NBR1: variants seen among roughly 807,000 people sequenced by gnomAD.
NBR1 encodes the protein NBR1 autophagy cargo receptor.
A neutral mutation model predicts 115.5 loss-of-function variants in NBR1; 59 were observed. The observed-to-expected ratio is 0.51, with a 90% CI of 0.41 to 0.63. The LOEUF is 0.63. Ranked by LOEUF, NBR1 falls within the 30% of genes least tolerant of loss-of-function variation. The probability of loss-of-function intolerance (pLI) is 0.00; values close to 1 mark genes in which losing one functional copy is unlikely to be tolerated. For missense variants in NBR1, 1,043 were observed against 1,150.5 expected (o/e 0.91, Z 1.35); for synonymous variants, 373 against 414.7 (o/e 0.90, Z 1.22).
intron 16 of NBR1, among the ~76,000 whole-genome samples, chr17:43,198,647 G>A (rs1361267986): frequency 2.8e-5 from 4 of 143,906 alleles, no homozygotes; most frequent in Non-Finnish European, 6.0e-5. Context: ...GCGAGACTCC[G>A]TCTAAAAAAA....
intron 14 of NBR1, chr17:43,195,365 G>A (rs901890859): frequency 2.0e-5 from 6 of 302,270 alleles, no homozygotes; most frequent in Non-Finnish European, 3.1e-5. Flanking sequence ...AAATTAGCTG[G>A]GTGTGGCCAG....
At chr17:43,208,242 T>G (rs1489025129) in intron 20 of NBR1, among the ~76,000 whole-genome samples, 1 of 152,150 alleles carries the variant, frequency 6.6e-6, no homozygotes, top group Non-Finnish European at 1.5e-5. Flanking sequence ...TTTTTAAAGT[T>G]GGGTGAGACT....
intron 12 of NBR1, among the ~76,000 whole-genome samples, chr17:43,193,989 C>T (rs2057010010): frequency 6.6e-6 from 1 of 152,120 alleles, no homozygotes; most frequent in Admixed American, 6.6e-5. Context: ...CCTGAAATAC[C>T]CTGTGTATGT....
chr17:43,187,299 G>A (rs916278717), intron 6 of NBR1, among the ~76,000 whole-genome samples: 6 of 151,898 alleles, frequency 4.0e-5, no homozygotes, highest in East Asian at 3.9e-4. Context: ...TCCTGCCTCA[G>A]TCTCCTGAGT....
intron 5 of NBR1, 130 bp from the exon 6 acceptor site, chr17:43,186,120 A>G (rs1033878425): frequency 1.4e-6 from 1 of 715,258 alleles, no homozygotes; most frequent in African/African-American, 1.9e-5. Flanking sequence ...GTTGGATTTA[A>G]TAAAGCAAAC....
intron 15 of NBR1, 59 bp from the exon 16 acceptor site, chr17:43,196,883 G>C: frequency 6.3e-7 from 1 of 1,576,864 alleles, no homozygotes; most frequent in Middle Eastern, 1.7e-4. Flanking sequence ...GGTAATGACT[G>C]GTGAATGTTC....
chr17:43,177,299 GTT>G (rs560292007), intron 2 of NBR1, among the ~76,000 whole-genome samples: 2 of 137,088 alleles, frequency 1.5e-5, no homozygotes, highest in Admixed American at 7.5e-5. Flanking sequence ...GATATTTTTC[GTT>G]TTTTTTTTTT....
chr17:43,203,720 G>T lies in NBR1; in HGVS notation c.2661G>T (p.Lys887Asn), dbSNP rs1235779051. ...HGSSIAGGLV[K>N]GALSVAASAY... ...GCAGCATTGCTGGAGGACTGGTGAA[G>T]GGGGCTTTGTCTGTTGCTGCCTCTG... The change falls in exon 20 of 21, where the codon AAG becomes AAT. Residue 887 changes from lysine to asparagine, a missense_variant. By Grantham distance (94) the Lys-to-Asn change is moderately conservative (BLOSUM62 0). Coordinates refer to ENST00000590996, the MANE Select transcript of NBR1 (RefSeq NM_005899.5). 8.7e-6 allele frequency: 14 copies of T among 1,610,718 alleles called. No individual in the cohort carries two copies. Among genetic ancestry groups the T allele is most frequent in the Non-Finnish European group, 1.1e-5 (13 of 1,178,342 alleles).
At chr17:43,180,173 C>T (rs1048816033) in intron 4 of NBR1, among the ~76,000 whole-genome samples, 2 of 152,104 alleles carry the variant, frequency 1.3e-5, no homozygotes, top group Admixed American at 6.5e-5. Flanking sequence ...AGTAATGCAT[C>T]GCTTAATGAC....
Position 43,177,572 on chromosome 17 carries a change from A to AACACACACACACACACACAC in NBR1, c.103-334_103-315dup, listed in dbSNP as rs60320098. Among the ~76,000 whole-genome samples, 126 of 131,318 alleles carry AACACACACACACACACACAC rather than the reference A, an allele frequency of 9.6e-4. 3 individuals carry two copies. Among genetic ancestry groups the AACACACACACACACACACAC allele is most frequent in the African/African-American group, 3.5e-3 (114 of 32,610 alleles). The allele number at this position is 131,318 out of a possible 152,430, so 86.1% of individuals were successfully genotyped here. A position where few individuals can be genotyped will look rare whatever the true frequency, so the allele number is the denominator to read the frequency against. ...GTTCCCTACCCCACACCCCACCCAA[A>AACACACACACACACACACAC]ACACACACACACACACACACACACA... On this transcript the variant is annotated intron_variant, in intron 2 of 20. Coordinates refer to ENST00000590996, the MANE Select transcript of NBR1 (RefSeq NM_005899.5).
intron 14 of NBR1, 138 bp downstream of exon 14, chr17:43,195,177 G>T: frequency 1.4e-6 from 1 of 708,712 alleles, no homozygotes; most frequent in South Asian, 1.7e-5. Context: ...AGCAATCATG[G>T]ATCCGTTTTT....
chr17:43,174,209 G>C (rs2056448789), intron 1 of NBR1, among the ~76,000 whole-genome samples: 1 of 152,036 alleles, frequency 6.6e-6, no homozygotes, highest in Non-Finnish European at 1.5e-5. Context: ...TTGGTCCTGA[G>C]TTGATAATTA....
intron 5 of NBR1, among the ~76,000 whole-genome samples, chr17:43,184,842 A>G (rs2056761548): frequency 6.6e-6 from 1 of 152,054 alleles, no homozygotes; most frequent in Non-Finnish European, 1.5e-5. Context: ...CTGTAATCCC[A>G]GCACTTTGGG....
intron 20 of NBR1, among the ~76,000 whole-genome samples, chr17:43,206,783 C>G (rs1317563917): frequency 6.6e-6 from 1 of 151,696 alleles, no homozygotes; most frequent in African/African-American, 2.4e-5. Context: ...GAAGGATAGG[C>G]TGGGCACGGT....
intron 10 of NBR1, 110 bp from the exon 11 acceptor site, chr17:43,192,984 A>G: frequency 1.9e-6 from 2 of 1,067,914 alleles, no homozygotes; most frequent in South Asian, 3.1e-5. Context: ...TTTAAGGCAA[A>G]TGGGTTAGCA....
intron 16 of NBR1, among the ~76,000 whole-genome samples, chr17:43,197,363 C>CA (rs1305869878): frequency 6.6e-6 from 1 of 152,018 alleles, no homozygotes; most frequent in Non-Finnish European, 1.5e-5. Flanking sequence ...ACTAAAAATA[C>CA]AAAAAATTAG....
Position 43,197,048 on chromosome 17 carries a change from C to G in NBR1, c.1968C>G (p.Ser656=). The stretch of plus-strand genomic sequence containing the variant: ...TTGTGTGTGAGACAGTAATCCGATC[C>G]CTTACCTTGGATGCTGCCCCAGACC... ...TQFVCETVIR[S]LTLDAAPDHN... The change falls in exon 16 of 21, where the codon TCC becomes TCG. Residue 656 remains serine, a synonymous_variant. Transcript: ENST00000590996. 1 of 1,613,970 alleles carries G rather than the reference C, an allele frequency of 6.2e-7. No homozygotes were observed. Among genetic ancestry groups the G allele is most frequent in the Non-Finnish European group, 8.5e-7 (1 of 1,179,886 alleles).
chr17:43,199,033 G>A (rs188641057), intron 16 of NBR1, among the ~76,000 whole-genome samples: 1 of 151,828 alleles, frequency 6.6e-6, no homozygotes, highest in Admixed American at 6.6e-5. Context: ...AAAAAGGTCT[G>A]GAAAGACAGT....
Position 43,190,636 on chromosome 17 carries a change from A to C in NBR1, c.723A>C (p.Glu241Asp), listed in dbSNP as rs1424758594. 2.5e-6 allele frequency: 4 copies of C among 1,600,084 alleles called. No individual in the cohort carries two copies. The highest frequency in any genetic ancestry group is 2.6e-6 in the Non-Finnish European group (3 of 1,173,300). The change falls in exon 9 of 21, where the codon GAA (glutamate) becomes GAC (aspartate). Residue 241 changes from glutamate (E) to aspartate (D), a missense_variant. Physicochemically the swap from Glu to Asp is conservative, Grantham distance 45. Coordinates refer to ENST00000590996, the MANE Select transcript of NBR1 (RefSeq NM_005899.5). ...CSLCPSYNIC[E>D]DCEAGPYGHD... Reference sequence around the variant, plus strand: ...TATGCCCATCCTACAATATCTGTGAAGATTGTGAAGCAGGGCCATATGGCC... The same window carrying C: ...TATGCCCATCCTACAATATCTGTGACGATTGTGAAGCAGGGCCATATGGCC...
Sources: gnomAD v4.1 joint callset for allele counts (sites outside exome capture counted in the v4.1 genomes callset) on GRCh38, gnomAD v4.1.1 for gene constraint, MANE v1.5 for transcripts, NCBI Gene and HGNC (gene_info 2026-07-23, HGNC 2026-07-21) for gene names.